Variants in CUX1 observed in about 807,000 individuals in gnomAD.
The protein encoded by CUX1 is cut like homeobox 1.
A neutral mutation model predicts 158.8 loss-of-function variants in CUX1; 31 were observed. The ratio of observed to expected loss-of-function variants is 0.20; its 90% CI spans 0.15 to 0.26. The LOEUF is 0.26. CUX1 is among the 10% of genes least tolerant of loss of function. The pLI is 1.00. For missense variants in CUX1, 1,589 were observed against 2,014.6 expected, an observed-to-expected ratio of 0.79 and a Z score of 4.04; for synonymous variants, 879 against 862.1, an observed-to-expected ratio of 1.02 and a Z score of -0.34.
At position 102,271,344 on chromosome 7, in the gene CUX1, G is replaced by T. The variant is rs564010015; in HGVS notation, c.1256-2022G>T. Among the ~76,000 whole-genome samples the T allele has an allele frequency of 1.3e-4, 20 of 152,166 alleles. No individual in the cohort carries two copies. The South Asian group carries it at 3.9e-3, about 30-fold the overall frequency. ...GCCAAACTGAAGCATCCCCTCCCTT[G>T]GTCCAGGACCTTCACCTCTATTAAT... On this transcript the variant is annotated intron_variant, in intron 14 of 22. Coordinates refer to the CUX1 transcript ENST00000292538.
chr7:101,877,070 G>A (rs993251103), intron 1 of CUX1, among the ~76,000 whole-genome samples: 6 of 152,264 alleles, frequency 3.9e-5, no homozygotes, highest in East Asian at 3.9e-4. Flanking sequence ...AGTGAACAGC[G>A]TGTGCACATT....
At chr7:101,972,688 C>G (rs1303867998) in intron 2 of CUX1, among the ~76,000 whole-genome samples, 1 of 152,236 alleles carries the variant, frequency 6.6e-6, no homozygotes, top group Non-Finnish European at 1.5e-5. Context: ...TGGAGAGAGA[C>G]TCCCTGTCGG....
intron 1 of CUX1, among the ~76,000 whole-genome samples, chr7:101,858,661 CTTT>C (rs760652607): frequency 1.9e-5 from 2 of 103,320 alleles, no homozygotes; most frequent in African/African-American, 8.1e-5. Context: ...ATGCGAATGC[CTTT>C]TTTTTTTTTT....
intron 2 of CUX1, among the ~76,000 whole-genome samples, chr7:101,921,426 T>C (rs1003778408): frequency 6.8e-6 from 1 of 147,910 alleles, no homozygotes. Context: ...GGGGAATTTC[T>C]ATGTTTTATT....
chr7:102,193,195 T>C (rs1427511434), intron 12 of CUX1, among the ~76,000 whole-genome samples: 1 of 152,194 alleles, frequency 6.6e-6, no homozygotes, highest in Non-Finnish European at 1.5e-5. Context: ...CCCTGGTGGG[T>C]TCCCCTCTCT....
intron 20 of CUX1, among the ~76,000 whole-genome samples, chr7:102,212,364 C>G (rs1366560608): frequency 6.6e-6 from 1 of 152,104 alleles, no homozygotes; most frequent in Non-Finnish European, 1.5e-5. Context: ...CCCTGCAGTC[C>G]CACCTTCCAG....
intron 2 of CUX1, among the ~76,000 whole-genome samples, chr7:102,002,406 T>C (rs992790561): frequency 6.6e-6 from 1 of 152,250 alleles, no homozygotes; most frequent in Non-Finnish European, 1.5e-5. Context: ...CACTCCCTTC[T>C]TGCGTGGATG....
At chr7:102,143,854 C>T (rs1834732995) in intron 8 of CUX1, among the ~76,000 whole-genome samples, 1 of 152,084 alleles carries the variant, frequency 6.6e-6, no homozygotes, top group South Asian at 2.1e-4. Context: ...GCGATCTCAG[C>T]TCACTGTAGC....
At chr7:101,878,170 C>A (rs1443487946) in intron 1 of CUX1, among the ~76,000 whole-genome samples, 1 of 152,152 alleles carries the variant, frequency 6.6e-6, no homozygotes, top group African/African-American at 2.4e-5. Context: ...CAAAACAAAC[C>A]ACCTGGTTTT....
intron 10 of CUX1, among the ~76,000 whole-genome samples, chr7:102,177,988 G>A (rs1262541949): frequency 2.0e-4 from 30 of 152,220 alleles, no homozygotes; most frequent in African/African-American, 6.5e-4. Context: ...CTTCTCCCGA[G>A]TTCAAGTGAT....
At chr7:102,279,271 G>A (rs1228922201) in intron 18 of CUX1, among the ~76,000 whole-genome samples, 1 of 152,298 alleles carries the variant, frequency 6.6e-6, no homozygotes. Flanking sequence ...AACCTGAGAG[G>A]TGGAGGTTGC....
intron 2 of CUX1, among the ~76,000 whole-genome samples, chr7:102,022,613 C>CA (rs11344759): frequency 1.8e-3 from 240 of 135,010 alleles, no homozygotes; most frequent in Admixed American, 3.0e-3. Flanking sequence ...GACACTGTCT[C>CA]AAAAAAAAAA....
chr7:102,034,764 A>AAT (rs1436278449), intron 3 of CUX1, among the ~76,000 whole-genome samples: 6 of 150,860 alleles, frequency 4.0e-5, no homozygotes, highest in Non-Finnish European at 8.9e-5. Flanking sequence ...AAAAAAAAAA[A>AAT]AAAATACAAA....
At chr7:102,028,821 T>A in intron 3 of CUX1, among the ~76,000 whole-genome samples, 1 of 152,306 alleles carries the variant, frequency 6.6e-6, no homozygotes, top group East Asian at 1.9e-4. Flanking sequence ...GATTCAGTGA[T>A]GTTTAGAAAA....
In CUX1 at chr7:101,894,374, C is replaced by A. The variant is rs185901470; in HGVS notation, c.31-21741C>A. Among the ~76,000 whole-genome samples, 873 of 152,256 alleles carry A rather than the reference C, an allele frequency of 5.7e-3. 14 individuals are homozygous for A. Among genetic ancestry groups the A allele is most frequent in the African/African-American group, 0.02 (821 of 41,548 alleles). The stretch of plus-strand genomic sequence containing the variant: ...TGTCGCCCAGGCTGGAGTGCAGCGG[C>A]ACGATCTCGGCTCACTGCAAGCTCC... On this transcript the variant is annotated intron_variant, in intron 1 of 23. Transcript: ENST00000292535.
At chr7:101,977,643 AAAAT>A (rs936849425) in intron 2 of CUX1, among the ~76,000 whole-genome samples, 14 of 152,084 alleles carry the variant, frequency 9.2e-5, no homozygotes, top group African/African-American at 3.1e-4. Context: ...ACCGTGGCTC[AAAAT>A]AAATAAATAA....
At chr7:102,131,830 G>A (rs529098599) in intron 8 of CUX1, among the ~76,000 whole-genome samples, 1 of 151,832 alleles carries the variant, frequency 6.6e-6, no homozygotes, top group East Asian at 1.9e-4. Context: ...GCACCACCAT[G>A]CCTAGCCAAT....
chr7:102,248,629 C>A lies in CUX1; in HGVS notation c.4105C>A (p.Pro1369Thr). 7.1e-7 allele frequency: 1 copy of A among 1,417,648 alleles called. No individual in the cohort carries two copies. The highest frequency in any genetic ancestry group is 9.2e-7 in the Non-Finnish European group (1 of 1,090,480). The allele number at this position is 1,417,648 out of a possible 1,614,324, so 87.8% of individuals were successfully genotyped here. The change falls in exon 24 of 24, where the codon CCG becomes ACG. Residue 1369 changes from proline (P) to threonine (T), a missense_variant. Pro to Thr is a conservative substitution (Grantham distance 38, BLOSUM62 -1). Transcript: ENST00000292535. This position sits in a 1 kb window ranked among gnomAD's most constrained non-coding sequence, Gnocchi z 5.8. ...GGCCGAGCGGGAGGAGGTGCCGCGG[C>A]CGGCGGAGCAGACGGAGCCGCCGCC... ...GEAEREEVPR[P>T]AEQTEPPPSG...
intron 9 of CUX1, among the ~76,000 whole-genome samples, chr7:102,168,558 C>T (rs943912518): frequency 3.4e-5 from 5 of 148,980 alleles, no homozygotes; most frequent in African/African-American, 1.0e-4. Flanking sequence ...GCAGGAGAAT[C>T]GCTTGAACCC....
Sources: gnomAD v4.1 joint callset for allele counts (sites outside exome capture counted in the v4.1 genomes callset) on GRCh38, gnomAD v4.1.1 for gene constraint, Gnocchi (gnomAD v3.1) non-coding constraint, MANE v1.5 for transcripts, NCBI Gene and HGNC (gene_info 2026-07-23, HGNC 2026-07-21) for gene names.